Variants in INTS8 observed in about 807,000 individuals in gnomAD.
The protein encoded by INTS8 is protein kaonashi-1.
Under a neutral mutation model 138.9 loss-of-function variants are expected in INTS8, and 47 were observed. That is an observed-to-expected ratio of 0.34 (90% CI 0.27 to 0.43). The LOEUF (loss-of-function observed/expected upper bound fraction) is 0.43, where lower values mean the gene tolerates loss of function less well. Among genes scored for constraint, INTS8 ranks in the 20% least tolerant of loss-of-function variants. INTS8 has a pLI of 1.00. For missense variants in INTS8, 996 were observed against 1,173.0 expected (o/e 0.85, Z 2.20); for synonymous variants, 392 against 400.9 (o/e 0.98, Z 0.27).
In INTS8 at chr8:94,865,542, C is replaced by A. The variant is rs142899993; in HGVS notation, c.2113C>A (p.Pro705Thr). ...TTTAGCAGCTACATGCAAAGAACTTCCAGGCCCTAAAGAAAGTAGACGGAC... is the reference window on the plus strand; with the variant it reads ...TTTAGCAGCTACATGCAAAGAACTTACAGGCCCTAAAGAAAGTAGACGGAC... ...QLLAATCKEL[P>T]GPKESRRTAK... is the part of the protein sequence containing the mutation. The change falls in exon 17 of 27, where the codon CCA (proline) becomes ACA (threonine). Residue 705 changes from proline (P) to threonine (T), a missense_variant. Pro to Thr is a conservative substitution (Grantham distance 38). Coordinates refer to ENST00000523731, the MANE Select transcript of INTS8 (RefSeq NM_017864.4). The A allele has an allele frequency of 6.4e-5, 104 of 1,613,886 alleles. No individual in the cohort carries two copies. In the East Asian group the frequency reaches 2.3e-3, roughly 36 times the overall value.
At position 94,867,309 on chromosome 8, in the gene INTS8, A is replaced by G. The variant is rs139668707; in HGVS notation, c.2386A>G (p.Ile796Val). Residue 796 changes from isoleucine (I) to valine (V), a missense_variant, in exon 20 of 27, where the codon ATT (isoleucine) becomes GTT (valine). Physicochemically the swap from Ile to Val is conservative, Grantham distance 29. Coordinates refer to ENST00000523731, the MANE Select transcript of INTS8 (RefSeq NM_017864.4). ...TGTGAATGATATTACAGCTGAACACATTTCTATTTGGCCATCTTCCATTCC... is the reference window on the plus strand; with the variant it reads ...TGTGAATGATATTACAGCTGAACACGTTTCTATTTGGCCATCTTCCATTCC... ...DIVNDITAEH[I>V]SIWPSSIPNL... The G allele has an allele frequency of 1.0e-4, 169 of 1,612,020 alleles. No homozygotes were observed. Among genetic ancestry groups the G allele is most frequent in the Non-Finnish European group, 1.4e-4 (164 of 1,179,010 alleles).
chr8:94,843,531 C>T (rs1445127479), intron 10 of INTS8, among the ~76,000 whole-genome samples: 2 of 151,724 alleles, frequency 1.3e-5, no homozygotes, highest in Non-Finnish European at 1.5e-5. Context: ...TACGCCACTG[C>T]ACTCCAGCCT....
chr8:94,872,233 A>C (rs1172658763), intron 21 of INTS8, among the ~76,000 whole-genome samples: 1 of 151,350 alleles, frequency 6.6e-6, no homozygotes, highest in Non-Finnish European at 1.5e-5. Context: ...AAAAACAGTG[A>C]ATTTTTTTTT....
In INTS8 at chr8:94,867,308, C is replaced by T. The variant is rs763222318; in HGVS notation, c.2385C>T (p.His795=). 2.5e-6 allele frequency: 4 copies of T among 1,611,734 alleles called. No individual in the cohort carries two copies. Among genetic ancestry groups the T allele is most frequent in the African/African-American group, 1.3e-5 (1 of 74,744 alleles). The change falls in exon 20 of 27, where the codon CAC becomes CAT. Residue 795 remains histidine (H), a synonymous_variant. Transcript: ENST00000523731. ...EDIVNDITAE[H]ISIWPSSIPN... The stretch of plus-strand genomic sequence containing the variant: ...TTGTGAATGATATTACAGCTGAACA[C>T]ATTTCTATTTGGCCATCTTCCATTC...
chr8:94,855,575 C>G (rs1438032079), intron 14 of INTS8, among the ~76,000 whole-genome samples: 1 of 152,172 alleles, frequency 6.6e-6, no homozygotes, highest in East Asian at 1.9e-4. Context: ...ACAGAGACTT[C>G]TGAAATTTCA....
intron 14 of INTS8, among the ~76,000 whole-genome samples, chr8:94,856,252 G>T: frequency 6.6e-6 from 1 of 152,216 alleles, no homozygotes; most frequent in Non-Finnish European, 1.5e-5. Context: ...GGGGGTAGAA[G>T]CCAGATTATG....
At chr8:94,871,490 A>T (rs1316580291) in intron 20 of INTS8, among the ~76,000 whole-genome samples, 1 of 152,030 alleles carries the variant, frequency 6.6e-6, no homozygotes, top group Non-Finnish European at 1.5e-5. Flanking sequence ...AAAAAAAAAA[A>T]TGATAATAAT....
intron 4 of INTS8, among the ~76,000 whole-genome samples, chr8:94,828,036 T>A (rs1029023263): frequency 3.9e-5 from 3 of 76,780 alleles, no homozygotes; most frequent in African/African-American, 1.5e-4. Flanking sequence ...CAGTCAAGTT[T>A]TTTTTTTTGT....
Position 94,873,458 on chromosome 8 carries a change from C to T in INTS8, c.2618C>T (p.Pro873Leu), listed in dbSNP as rs1816470717. Residue 873 changes from proline to leucine, a missense_variant, in exon 22 of 27, where the codon CCT becomes CTT. Physicochemically the swap from Pro to Leu is moderately conservative, Grantham distance 98. Coordinates refer to ENST00000523731, the MANE Select transcript of INTS8 (RefSeq NM_017864.4). ...CSDFFNKAVPPDVYTDQVIKR... is the reference protein window; with the variant it reads ...CSDFFNKAVPLDVYTDQVIKR... ...GACTTCTTTAACAAGGCTGTGCCCCCTGATGTTTATACAGACCAGGTGAAT... is the reference window on the plus strand; with the variant it reads ...GACTTCTTTAACAAGGCTGTGCCCCTTGATGTTTATACAGACCAGGTGAAT... 6.2e-7 allele frequency: 1 copy of T among 1,612,508 alleles called. No individual in the cohort carries two copies. The highest frequency in any genetic ancestry group is 1.3e-5 in the African/African-American group (1 of 74,902).
At chr8:94,866,788 A>C (rs1816191877) in intron 18 of INTS8, 1 of 207,672 alleles carries the variant, frequency 4.8e-6, no homozygotes, top group Non-Finnish European at 9.5e-6. Context: ...TTTGCTTAGT[A>C]GGATCAATGT....
chr8:94,838,732 T>A (rs924955674), intron 8 of INTS8, 114 bp downstream of exon 8: 3 of 703,882 alleles, frequency 4.3e-6, no homozygotes, highest in Non-Finnish European at 4.9e-6. Flanking sequence ...ATTTACACTG[T>A]CATACTGGCC....
intron 13 of INTS8, among the ~76,000 whole-genome samples, chr8:94,852,276 G>A (rs1815574136): frequency 6.6e-6 from 1 of 152,002 alleles, no homozygotes; most frequent in Non-Finnish European, 1.5e-5. Context: ...ATATGTAAAT[G>A]GTATATTATT....
Position 94,867,350 on chromosome 8 carries a change from A to G in INTS8, c.2414+13A>G. 6.3e-7 allele frequency: 1 copy of G among 1,587,908 alleles called. No individual in the cohort carries two copies. Among genetic ancestry groups the G allele is most frequent in the Non-Finnish European group, 8.6e-7 (1 of 1,158,690 alleles). ...CTTCCATTCCCAAGTAAGTAGTGGT[A>G]TAGCTTTTATTTTATTAATTGAGTT... is the stretch of plus-strand genomic sequence containing the variant. On this transcript the variant is annotated intron_variant, in intron 20 of 26. Transcript: ENST00000523731.
intron 16 of INTS8, among the ~76,000 whole-genome samples, chr8:94,865,289 G>A (rs565279522): frequency 4.0e-5 from 6 of 151,792 alleles, no homozygotes; most frequent in Admixed American, 1.3e-4. Context: ...AACAAAGTTC[G>A]TATGCTCGAA....
chr8:94,832,355 G>A (rs1814753545), intron 6 of INTS8, among the ~76,000 whole-genome samples, 181 bp downstream of exon 6: 1 of 152,196 alleles, frequency 6.6e-6, no homozygotes, highest in Admixed American at 6.5e-5. Flanking sequence ...AAATGGAAGA[G>A]AAATTTTATG....
intron 21 of INTS8, among the ~76,000 whole-genome samples, chr8:94,872,495 A>T (rs1165384344): frequency 6.6e-6 from 1 of 152,140 alleles, no homozygotes; most frequent in Non-Finnish European, 1.5e-5. Context: ...CGGCCTCCCA[A>T]ATTGTTAGGA....
At chr8:94,831,706 T>G (rs1814722996) in intron 5 of INTS8, among the ~76,000 whole-genome samples, 1 of 151,556 alleles carries the variant, frequency 6.6e-6, no homozygotes, top group African/African-American at 2.4e-5. Flanking sequence ...GGTCTCGAAC[T>G]CCTGATCTCG....
At chr8:94,830,071 A>G (rs1192141079) in intron 5 of INTS8, among the ~76,000 whole-genome samples, 2 of 151,926 alleles carry the variant, frequency 1.3e-5, no homozygotes, top group African/African-American at 4.8e-5. Flanking sequence ...AATTTTTTGT[A>G]TTTTTAGTAG....
chr8:94,840,321 A>T (rs962943670), intron 8 of INTS8, among the ~76,000 whole-genome samples: 1 of 152,144 alleles, frequency 6.6e-6, no homozygotes. Flanking sequence ...GAAACCACTT[A>T]TGTCAGTACT....
Sources: gnomAD v4.1 joint callset for allele counts (sites outside exome capture counted in the v4.1 genomes callset) on GRCh38, gnomAD v4.1.1 for gene constraint, MANE v1.5 for transcripts, NCBI Gene and HGNC (gene_info 2026-07-23, HGNC 2026-07-21) for gene names.